GXYLT2: variants seen among roughly 807,000 people sequenced by gnomAD.
GXYLT2 encodes glycosyltransferase 8 domain containing 4.
Under a neutral mutation model 45.8 loss-of-function variants are expected in GXYLT2, and 53 were observed. The ratio of observed to expected loss-of-function variants is 1.16; its 90% confidence interval spans 0.93 to 1.46. The LOEUF is 1.46. Among genes scored for constraint, GXYLT2 ranks in the 40% most tolerant of loss-of-function variants. The probability of loss-of-function intolerance (pLI) is 0.00; values close to 1 mark genes in which losing one functional copy is unlikely to be tolerated. For synonymous variants in GXYLT2, 219 were observed against 214.2 expected (o/e 1.02, Z -0.19); for missense variants, 551 against 544.4 (o/e 1.01, Z -0.12).
At chr3:72,928,476 G>C (rs6809752) in intron 3 of GXYLT2, among the ~76,000 whole-genome samples, 13,240 of 152,194 alleles carry the variant, frequency 0.087, 839 homozygotes, top group East Asian at 0.29. Flanking sequence ...ATCTCCTTGG[G>C]AGGCACAGGC....
chr3:72,953,694 A>AT (rs998342838), intron 3 of GXYLT2, among the ~76,000 whole-genome samples: 1 of 152,156 alleles, frequency 6.6e-6, no homozygotes, highest in Non-Finnish European at 1.5e-5. Context: ...AGCCTGAAAT[A>AT]TTTACTATCT....
intron 5 of GXYLT2, among the ~76,000 whole-genome samples, chr3:72,959,316 C>T (rs1710721971): frequency 1.3e-5 from 2 of 151,780 alleles, no homozygotes; most frequent in African/African-American, 4.8e-5. Flanking sequence ...CAGTATTTCA[C>T]CATGTTGGCC....
At position 72,920,973 on chromosome 3, in the gene GXYLT2, C is replaced by G. The variant is rs192274688; in HGVS notation, c.469-1231C>G. ...AGTAGCTGGGATTACAGGCGCCCAC[C>G]ACCACGCCAGCTAATTTTTGTATTT... is the stretch of plus-strand genomic sequence containing the variant. On this transcript the variant is annotated intron_variant, in intron 2 of 6. Transcript: ENST00000389617. 2.2e-3 allele frequency among the ~76,000 whole-genome samples: 337 copies of G among 151,932 alleles called. 1 individual carries two copies. Among genetic ancestry groups the G allele is most frequent in the African/African-American group, 7.9e-3 (328 of 41,460 alleles).
At chr3:72,913,317 C>T (rs1043339197) in intron 2 of GXYLT2, among the ~76,000 whole-genome samples, 3 of 151,118 alleles carry the variant, frequency 2.0e-5, no homozygotes, top group Admixed American at 6.6e-5. Context: ...GGATTACAAG[C>T]GTGAGCCACC....
chr3:72,908,167 C>G (rs1709545087), intron 1 of GXYLT2, 200 bp from the exon 2 acceptor site: 1 of 547,586 alleles, frequency 1.8e-6, no homozygotes, highest in Non-Finnish European at 3.2e-6. Context: ...ACTCATCCTG[C>G]TATTGCCAGG....
At chr3:72,970,310 T>C (rs1215316075) in intron 6 of GXYLT2, among the ~76,000 whole-genome samples, 1 of 151,588 alleles carries the variant, frequency 6.6e-6, no homozygotes, top group African/African-American at 2.4e-5. Flanking sequence ...TTGATTGCAC[T>C]ACTACACTCC....
chr3:72,888,364 A>C lies in GXYLT2; in HGVS notation c.131A>C (p.Gln44Pro). 1 of 982,392 alleles carries C rather than the reference A, an allele frequency of 1.0e-6. No homozygotes were observed. The highest frequency in any genetic ancestry group is 1.2e-6 in the Non-Finnish European group (1 of 829,968). The allele number at this position is 982,392 out of a possible 1,614,324, so 60.9% of individuals were successfully genotyped here. A position where few individuals can be genotyped will look rare whatever the true frequency, so the allele number is the denominator to read the frequency against. The change falls in exon 1 of 7, where the codon CAG (glutamine) becomes CCG (proline). Residue 44 changes from glutamine (Q) to proline (P), a missense_variant. Physicochemically the swap from Gln to Pro is moderately conservative, Grantham distance 76 (BLOSUM62 -1). Transcript: ENST00000389617. Reference protein sequence around the residue: ...ALPARPASAPQRHPAPVPARW... With the variant: ...ALPARPASAPPRHPAPVPARW... ...CCCGCGCGCCCCGCGTCCGCCCCGC[A>C]GCGCCACCCCGCGCCTGTCCCCGCG...
chr3:72,972,678 T>G (rs1050491048), intron 6 of GXYLT2, among the ~76,000 whole-genome samples: 59 of 115,762 alleles, frequency 5.1e-4, no homozygotes, highest in Admixed American at 7.4e-4. Flanking sequence ...TATATTCTGG[T>G]GGGGGAAGCC....
At chr3:72,942,561 T>C (rs1710320980) in intron 3 of GXYLT2, among the ~76,000 whole-genome samples, 1 of 152,130 alleles carries the variant, frequency 6.6e-6, no homozygotes. Context: ...ATTGTCAGAC[T>C]CCACCTTTGC....
In GXYLT2 at chr3:72,888,328, C is replaced by G; in HGVS notation, c.95C>G (p.Pro32Arg). The G allele has an allele frequency of 1.0e-6, 1 of 984,928 alleles. No homozygotes were observed. The highest frequency in any genetic ancestry group is 4.5e-5 in the South Asian group (1 of 22,192). The allele number at this position is 984,928 out of a possible 1,614,324, so 61.0% of individuals were successfully genotyped here. Residue 32 changes from proline (P) to arginine (R), a missense_variant, in exon 1 of 7, where the codon CCC becomes CGC. Physicochemically the swap from Pro to Arg is moderately radical, Grantham distance 103 (BLOSUM62 -2). Transcript: ENST00000389617. ...TCCCTGCGCGCTGGCCGCGCTGAGCCCCCAGCGCTGCCCGCGCGCCCCGCG... is the reference window on the plus strand; with the variant it reads ...TCCCTGCGCGCTGGCCGCGCTGAGCGCCCAGCGCTGCCCGCGCGCCCCGCG... ...LLSLRAGRAE[P>R]PALPARPASA... is the part of the protein sequence containing the mutation.
intron 3 of GXYLT2, chr3:72,929,565 C>G: frequency 8.8e-7 from 1 of 1,135,856 alleles, no homozygotes; most frequent in Non-Finnish European, 1.3e-6. Context: ...CTTTGACAAG[C>G]ACACGCTGGG....
At chr3:72,911,046 C>T (rs969981417) in intron 2 of GXYLT2, among the ~76,000 whole-genome samples, 2 of 152,132 alleles carry the variant, frequency 1.3e-5, no homozygotes, top group African/African-American at 4.8e-5. Flanking sequence ...AATCCCAGCA[C>T]TTTGCGAAGC....
At position 72,908,560 on chromosome 3, in the gene GXYLT2, G is replaced by A; in HGVS notation, c.468+1G>A. The A allele has an allele frequency of 6.2e-7, 1 of 1,606,666 alleles. No individual in the cohort carries two copies. Among genetic ancestry groups the A allele is most frequent in the South Asian group, 1.1e-5 (1 of 90,282 alleles). ...TCTGAAGCCCGAGTTTGATAAGCAG[G>A]TGAATTTGCAGAAATCATGGCACAG... On this transcript the variant is annotated splice_donor_variant, in intron 2 of 6. Transcript: ENST00000389617. LOFTEE classifies it high-confidence loss of function.
At chr3:72,925,838 G>A (rs991962872) in intron 3 of GXYLT2, among the ~76,000 whole-genome samples, 2 of 152,112 alleles carry the variant, frequency 1.3e-5, no homozygotes, top group African/African-American at 2.4e-5. Flanking sequence ...TGACAAATGG[G>A]TGCTGGCATT....
chr3:72,932,839 G>T (rs531621015), intron 3 of GXYLT2, among the ~76,000 whole-genome samples: 1 of 152,300 alleles, frequency 6.6e-6, no homozygotes, highest in African/African-American at 2.4e-5. Flanking sequence ...AAATTAATTT[G>T]AGATATTATT....
chr3:72,921,884 G>A (rs552202682), intron 2 of GXYLT2, among the ~76,000 whole-genome samples: 1 of 139,902 alleles, frequency 7.1e-6, no homozygotes, highest in Non-Finnish European at 1.5e-5. Context: ...ACTAGGTTGT[G>A]GTGAATGTCC....
intron 2 of GXYLT2, among the ~76,000 whole-genome samples, 180 bp downstream of exon 2, chr3:72,908,739 A>G (rs939532093): frequency 3.9e-5 from 6 of 152,204 alleles, no homozygotes; most frequent in African/African-American, 1.2e-4. Context: ...TCATAGAGAC[A>G]TGGTGAGGAT....
intron 3 of GXYLT2, among the ~76,000 whole-genome samples, chr3:72,953,196 G>A (rs1710559465): frequency 6.6e-6 from 1 of 152,024 alleles, no homozygotes; most frequent in Non-Finnish European, 1.5e-5. Flanking sequence ...AAAGAAGGAT[G>A]TTTTGTGACA....
rs959885700 is a variant in GXYLT2 at position 72,976,522 on chromosome 3, G to T, written c.*1363G>T. On this transcript the variant is annotated 3_prime_UTR_variant, in exon 7 of 7. Transcript: ENST00000389617. ...TCAACTTCCTACCAGCCTTAGAAAGGTCTCTTTAAACAATTTCTTTCCCCC... is the reference window on the plus strand; with the variant it reads ...TCAACTTCCTACCAGCCTTAGAAAGTTCTCTTTAAACAATTTCTTTCCCCC... 3.3e-5 allele frequency: 5 copies of T among 152,148 alleles called. No individual in the cohort carries two copies. The South Asian group carries it at 1.0e-3, about 31-fold the overall frequency. 9.4% of individuals were successfully genotyped at this position (152,148 alleles called of 1,614,324 possible). A position where few individuals can be genotyped will look rare whatever the true frequency, so the allele number is the denominator to read the frequency against.
Sources: allele counts gnomAD v4.1 joint callset (sites outside exome capture counted in the v4.1 genomes callset), GRCh38; gene constraint gnomAD v4.1.1; transcripts MANE v1.5; gene names NCBI Gene and HGNC (gene_info 2026-07-23, HGNC 2026-07-21).